The following DNAH6 variants were observed in gnomAD, a reference collection of about 807,000 sequenced individuals.
DNAH6 encodes the protein dynein axonemal heavy chain 6.
A neutral mutation model predicts 491.4 loss-of-function variants in DNAH6; 340 were observed. The observed-to-expected ratio is 0.69, with a 90% CI of 0.63 to 0.76. DNAH6 has a LOEUF of 0.76. Ranked by LOEUF, DNAH6 falls within the 30% of genes least tolerant of loss-of-function variation. The pLI is 0.00. For synonymous variants in DNAH6, 1,603 were observed against 1,686.1 expected (o/e 0.95, Z 1.21); for missense variants, 4,443 against 4,972.2 (o/e 0.89, Z 3.20).
chr2:84,518,531 C>T (rs932214769), intron 2 of DNAH6, among the ~76,000 whole-genome samples: 11 of 152,096 alleles, frequency 7.2e-5, no homozygotes, highest in Non-Finnish European at 5.9e-5. Context: ...GCAGTGAAAG[C>T]GAAAAAATTA....
At chr2:84,631,137 C>T (rs545570215) in intron 29 of DNAH6, among the ~76,000 whole-genome samples, 8 of 152,272 alleles carry the variant, frequency 5.3e-5, no homozygotes, top group East Asian at 3.9e-4. Context: ...TTTGCTTCTC[C>T]GGTTGAACAC....
At chr2:84,549,169 T>C (rs1679083857) in intron 8 of DNAH6, among the ~76,000 whole-genome samples, 1 of 152,208 alleles carries the variant, frequency 6.6e-6, no homozygotes, top group African/African-American at 2.4e-5. Context: ...AAACCGCATG[T>C]CTTTGGAACT....
chr2:84,760,121 G>T (rs1017400994), intron 63 of DNAH6, among the ~76,000 whole-genome samples: 1 of 152,086 alleles, frequency 6.6e-6, no homozygotes, highest in African/African-American at 2.4e-5. Flanking sequence ...ATTTGCAGAA[G>T]AATGAAACTG....
the DNAH6 span, among the ~76,000 whole-genome samples, chr2:84,488,411 A>G: frequency 1.3e-5 from 2 of 151,676 alleles, no homozygotes; most frequent in African/African-American, 4.8e-5. Flanking sequence ...TAAAAAAATT[A>G]AAAAAATTAA....
At chr2:84,805,857 A>C in intron 71 of DNAH6, 63 bp downstream of exon 71, 1 of 1,447,674 alleles carries the variant, frequency 6.9e-7, no homozygotes, top group Non-Finnish European at 9.2e-7. Context: ...CAGAGAACTG[A>C]GTGATAAACA....
At chr2:84,749,747 G>T (rs1277033404) in intron 63 of DNAH6, among the ~76,000 whole-genome samples, 2 of 152,170 alleles carry the variant, frequency 1.3e-5, no homozygotes, top group Non-Finnish European at 2.9e-5. Flanking sequence ...AGGTTGGATG[G>T]TGAAAACATG....
intron 11 of DNAH6, among the ~76,000 whole-genome samples, chr2:84,562,486 T>C (rs1019503351): frequency 1.2e-4 from 18 of 152,144 alleles, no homozygotes; most frequent in African/African-American, 4.3e-4. Context: ...CTCAATGTTG[T>C]AGGGGCAAAG....
chr2:84,491,628 T>C, the DNAH6 span, among the ~76,000 whole-genome samples: 4 of 152,348 alleles, frequency 2.6e-5, no homozygotes, highest in Admixed American at 2.6e-4. Flanking sequence ...ATTGTGGACA[T>C]GATGTCTGGG....
At chr2:84,725,336 G>A (rs1698527878) in intron 60 of DNAH6, among the ~76,000 whole-genome samples, 1 of 152,158 alleles carries the variant, frequency 6.6e-6, no homozygotes, top group African/African-American at 2.4e-5. Flanking sequence ...TGAAAGAAAT[G>A]GGAGTCAAGT....
At chr2:84,596,566 C>T (rs1028787340) in intron 18 of DNAH6, among the ~76,000 whole-genome samples, 5 of 151,774 alleles carry the variant, frequency 3.3e-5, no homozygotes, top group Admixed American at 6.6e-5. Flanking sequence ...CCTGACCTCA[C>T]GTGATCCACC....
At chr2:84,473,096 C>T in the DNAH6 span, among the ~76,000 whole-genome samples, 3 of 151,808 alleles carry the variant, frequency 2.0e-5, no homozygotes, top group Non-Finnish European at 2.9e-5. Context: ...AGTAACGGCC[C>T]CTTTGGATAG....
chr2:84,528,994 T>A lies in DNAH6; in HGVS notation c.490T>A (p.Ser164Thr). The change falls in exon 4 of 77, where the codon TCT becomes ACT. Residue 164 changes from serine to threonine, a missense_variant. Coordinates refer to ENST00000389394, the MANE Select transcript of DNAH6 (RefSeq NM_001370.2). ...AAAAAGAGGTCTCTTTGGGACTAGA[T>A]CTTCAGCTTACCCTAAGTACACTTT... ...IGKRGLFGTR[S>T]SAYPKYTFHD... The A allele has an allele frequency of 6.4e-7, 1 of 1,551,318 alleles. No homozygotes were observed. Among genetic ancestry groups the A allele is most frequent in the Non-Finnish European group, 8.7e-7 (1 of 1,146,740 alleles).
chr2:84,793,113 TG>T (rs1296958622), intron 68 of DNAH6, among the ~76,000 whole-genome samples: 3 of 152,174 alleles, frequency 2.0e-5, no homozygotes, highest in Non-Finnish European at 4.4e-5. Context: ...GCCACTATGT[TG>T]GGTTCTGCAA....
chr2:84,752,223 T>C (rs897869386), intron 63 of DNAH6, among the ~76,000 whole-genome samples: 1 of 152,236 alleles, frequency 6.6e-6, no homozygotes, highest in African/African-American at 2.4e-5. Context: ...ATGAATGCAG[T>C]GTTAAGTCCT....
chr2:84,715,593 G>C lies in DNAH6; in HGVS notation c.9577G>C (p.Val3193Leu). 6.4e-7 allele frequency: 1 copy of C among 1,551,556 alleles called. No individual in the cohort carries two copies. ...TAAAGTTACCATTATCAATTTCACT[G>C]TAACAAAATCAGGCCTGGAGGATCA... ...CIKVTIINFT[V>L]TKSGLEDQLL... Residue 3193 changes from valine to leucine, a missense_variant, in exon 58 of 77, where the codon GTA becomes CTA. Val to Leu is a conservative substitution (Grantham distance 32). Transcript: ENST00000389394.
chr2:84,464,676 C>T, the DNAH6 span, among the ~76,000 whole-genome samples: 2 of 152,228 alleles, frequency 1.3e-5, no homozygotes, highest in South Asian at 2.1e-4. Context: ...CCTGATGTTG[C>T]CATGGCATTT....
At chr2:84,771,363 T>G (rs1675591536) in intron 64 of DNAH6, among the ~76,000 whole-genome samples, 1 of 150,830 alleles carries the variant, frequency 6.6e-6, no homozygotes, top group Non-Finnish European at 1.5e-5. Context: ...CAACATACAC[T>G]AATGGAAATC....
At chr2:84,682,032 C>T (rs1009122267) in intron 42 of DNAH6, among the ~76,000 whole-genome samples, 1 of 152,200 alleles carries the variant, frequency 6.6e-6, no homozygotes, top group African/African-American at 2.4e-5. Flanking sequence ...AGACCCATAT[C>T]CCCTGATGGT....
chr2:84,469,199 C>T, the DNAH6 span, among the ~76,000 whole-genome samples: 1 of 152,130 alleles, frequency 6.6e-6, no homozygotes, highest in Non-Finnish European at 1.5e-5. This position sits in a 1 kb window ranked among gnomAD's most constrained non-coding sequence, Gnocchi z 4.0. Context: ...GAGAGAGAAG[C>T]CAGAAATCTG....
Sources: gnomAD v4.1 joint callset for allele counts (sites outside exome capture counted in the v4.1 genomes callset) on GRCh38, gnomAD v4.1.1 for gene constraint, Gnocchi (gnomAD v3.1) non-coding constraint, MANE v1.5 for transcripts, NCBI Gene and HGNC (gene_info 2026-07-23, HGNC 2026-07-21) for gene names.